STX6: variants seen among roughly 807,000 people sequenced by gnomAD.
STX6 encodes the protein syntaxin-6.
Under a neutral mutation model 38.0 loss-of-function variants are expected in STX6, and 23 were observed. That is an observed-to-expected ratio of 0.60 (90% CI 0.43 to 0.86). The LOEUF (loss-of-function observed/expected upper bound fraction) is 0.86, where lower values mean the gene tolerates loss of function less well. Ranked by LOEUF, STX6 falls within the 40% of genes least tolerant of loss-of-function variation. STX6 has a pLI of 0.00. For missense variants in STX6, 274 were observed against 312.9 expected (o/e 0.88, Z 0.94); for synonymous variants, 123 against 107.5 (o/e 1.14, Z -0.89).
intron 4 of STX6, among the ~76,000 whole-genome samples, chr1:180,992,303 G>A (rs1655777087): frequency 6.6e-6 from 1 of 152,146 alleles, no homozygotes; most frequent in Admixed American, 6.5e-5. Flanking sequence ...AAAGGAAACA[G>A]GAAAATTAAG....
At chr1:180,997,439 C>G (rs1655945223) in intron 3 of STX6, among the ~76,000 whole-genome samples, 1 of 151,896 alleles carries the variant, frequency 6.6e-6, no homozygotes, top group Admixed American at 6.6e-5. Flanking sequence ...TCTACTTTTT[C>G]AATTGTAAGT....
chr1:180,989,840 G>T, intron 5 of STX6, 144 bp downstream of exon 5: 3 of 995,900 alleles, frequency 3.0e-6, no homozygotes, highest in Non-Finnish European at 4.5e-6. Flanking sequence ...CTTTACATAT[G>T]CAATTATTAA....
chr1:181,014,271 G>A (rs1196335197), intron 1 of STX6, among the ~76,000 whole-genome samples: 1 of 152,018 alleles, frequency 6.6e-6, no homozygotes, highest in African/African-American at 2.4e-5. Flanking sequence ...GCATGCACCT[G>A]TAAACCCAGC....
In STX6 at chr1:180,992,645, C is replaced by T. The variant is rs542882525; in HGVS notation, c.363+718G>A. ...TTAGCAACAGGCAAAAACATTCTAT[C>T]CCACCAAAAAAAGTCTAAATCAAAT... is the stretch of plus-strand genomic sequence containing the variant. On this transcript the variant is annotated intron_variant, in intron 4 of 7. Coordinates refer to ENST00000258301, the MANE Select transcript of STX6 (RefSeq NM_005819.6). 5.9e-4 allele frequency among the ~76,000 whole-genome samples: 90 copies of T among 152,218 alleles called. 1 individual carries two copies. The highest frequency in any genetic ancestry group is 3.4e-3 in the Middle Eastern group (1 of 294).
chr1:181,022,541 A>C, intron 1 of STX6, 98 bp downstream of exon 1: 1 of 1,294,422 alleles, frequency 7.7e-7, no homozygotes. Context: ...CCCCAGCTCC[A>C]ACTTGCCTCC....
At chr1:180,978,018 T>C (rs1305350119) in intron 7 of STX6, among the ~76,000 whole-genome samples, 1 of 152,244 alleles carries the variant, frequency 6.6e-6, no homozygotes, top group African/African-American at 2.4e-5. Flanking sequence ...CAGGTAGGAC[T>C]GTTCCAAAGG....
chr1:180,993,145 GAA>G, intron 4 of STX6, among the ~76,000 whole-genome samples: 1 of 152,176 alleles, frequency 6.6e-6, no homozygotes. Flanking sequence ...GGAGCCCAGA[GAA>G]GAAGACCAGA....
intron 4 of STX6, among the ~76,000 whole-genome samples, chr1:180,993,009 C>T (rs567591824): frequency 1.4e-4 from 22 of 152,244 alleles, no homozygotes; most frequent in Admixed American, 1.2e-3. Flanking sequence ...GAGAGAAAGA[C>T]AGTAATTATA....
chr1:180,984,233 A>C lies in STX6; in HGVS notation c.691+444T>G, dbSNP rs115517563. 6.3e-3 allele frequency among the ~76,000 whole-genome samples: 908 copies of C among 145,082 alleles called. 14 individuals are homozygous for C. The highest frequency in any genetic ancestry group is 0.023 in the African/African-American group (863 of 37,914). ...CATTCTCTGATTCTAAGGCATCACA[A>C]AAAAAAAAAATGTGCCATAAGAAAG... On this transcript the variant is annotated intron_variant, in intron 7 of 7. Coordinates refer to ENST00000258301, the MANE Select transcript of STX6 (RefSeq NM_005819.6).
At chr1:181,020,895 C>T (rs1656706623) in intron 1 of STX6, among the ~76,000 whole-genome samples, 1 of 152,128 alleles carries the variant, frequency 6.6e-6, no homozygotes, top group Admixed American at 6.5e-5. Flanking sequence ...TTTTAATAAA[C>T]ACAGGTACAT....
At chr1:181,002,377 C>T (rs1306662565) in intron 3 of STX6, among the ~76,000 whole-genome samples, 1 of 151,896 alleles carries the variant, frequency 6.6e-6, no homozygotes, top group Admixed American at 6.6e-5. Context: ...TGGTTTCAAA[C>T]CCCTGGGCTC....
At chr1:180,980,693 T>C (rs1406486811) in intron 7 of STX6, 1 of 152,144 alleles carries the variant, frequency 6.6e-6, no homozygotes, top group East Asian at 1.9e-4. Flanking sequence ...TAGCTGGGGT[T>C]ATAGGCGCAC....
intron 3 of STX6, among the ~76,000 whole-genome samples, chr1:180,993,664 T>C (rs1288921074): frequency 6.7e-6 from 1 of 148,396 alleles, no homozygotes; most frequent in African/African-American, 2.4e-5. Flanking sequence ...GGAATTAACA[T>C]TTACCAGGTA....
chr1:181,000,697 C>T (rs1656054864), intron 3 of STX6, among the ~76,000 whole-genome samples: 1 of 152,014 alleles, frequency 6.6e-6, no homozygotes, highest in Admixed American at 6.5e-5. Context: ...TTCTTCTTTC[C>T]ATTATACCAA....
chr1:181,018,360 G>A (rs1656623064), intron 1 of STX6, among the ~76,000 whole-genome samples: 1 of 115,794 alleles, frequency 8.6e-6, no homozygotes, highest in Non-Finnish European at 1.6e-5. Context: ...TTGCACTCCA[G>A]CCTGGGCGAC....
chr1:180,984,088 A>AAAAAC (rs57204299), intron 7 of STX6, among the ~76,000 whole-genome samples: 1,306 of 101,446 alleles, frequency 0.013, 272 homozygotes, highest in Non-Finnish European at 0.026. Context: ...AAAAAAAAAA[A>AAAAAC]AACACAACGA....
chr1:181,013,073 C>A (rs1656454085), intron 1 of STX6, among the ~76,000 whole-genome samples: 1 of 151,988 alleles, frequency 6.6e-6, no homozygotes, highest in Non-Finnish European at 1.5e-5. Context: ...GATAGTTGAG[C>A]CTCTTCCATA....
At chr1:180,997,183 A>T (rs1655939428) in intron 3 of STX6, among the ~76,000 whole-genome samples, 1 of 152,228 alleles carries the variant, frequency 6.6e-6, no homozygotes, top group Admixed American at 6.5e-5. Flanking sequence ...GGATTAATAG[A>T]GGTAACACAT....
Position 180,975,619 on chromosome 1 carries a change from C to G in STX6, c.*951G>C, listed in dbSNP as rs942295878. ...ATGTACTAACCACTCCCAACCCCAA[C>G]CCCCAGTGTAGAGTGCCCTAAGAGT... is the stretch of plus-strand genomic sequence containing the variant. On this transcript the variant is annotated 3_prime_UTR_variant, in exon 8 of 8. Coordinates refer to ENST00000258301, the MANE Select transcript of STX6 (RefSeq NM_005819.6). 1 of 152,312 alleles carries G rather than the reference C, an allele frequency of 6.6e-6. No homozygotes were observed. The highest frequency in any genetic ancestry group is 2.1e-4 in the South Asian group (1 of 4,834). The allele number at this position is 152,312 out of a possible 1,614,324, so 9.4% of individuals were successfully genotyped here.
Sources: gnomAD v4.1 joint callset for allele counts (sites outside exome capture counted in the v4.1 genomes callset) on GRCh38, gnomAD v4.1.1 for gene constraint, MANE v1.5 for transcripts, NCBI Gene and HGNC (gene_info 2026-07-23, HGNC 2026-07-21) for gene names.